Variants in CFAP90 observed in about 807,000 individuals in gnomAD.
CFAP90 encodes cilia and flagella associated protein 90, also known as cilia- and flagella-associated protein 90.
chr5:7,845,693 G>A, the CFAP90 span, among the ~76,000 whole-genome samples: 2 of 152,146 alleles, frequency 1.3e-5, no homozygotes, highest in African/African-American at 2.4e-5. Flanking sequence ...ACCGTTGAAC[G>A]GAATCTGCTT....
the CFAP90 span, among the ~76,000 whole-genome samples, chr5:7,837,461 G>T: frequency 6.6e-6 from 1 of 152,160 alleles, no homozygotes; most frequent in African/African-American, 2.4e-5. Flanking sequence ...ATGCTAGAAT[G>T]ATTCCCTCCA....
At chr5:7,850,282 G>A in the CFAP90 span, among the ~76,000 whole-genome samples, 2 of 151,198 alleles carry the variant, frequency 1.3e-5, no homozygotes, top group Non-Finnish European at 3.0e-5. Flanking sequence ...ATCTCCGCAC[G>A]CTCCCACCCG....
chr5:7,836,418 C>T, the CFAP90 span, among the ~76,000 whole-genome samples: 1 of 152,090 alleles, frequency 6.6e-6, no homozygotes, highest in Non-Finnish European at 1.5e-5. Context: ...GCCTGAAAAT[C>T]AACTGACAGA....
At chr5:7,846,877 G>C in the CFAP90 span, among the ~76,000 whole-genome samples, 1 of 152,136 alleles carries the variant, frequency 6.6e-6, no homozygotes, top group African/African-American at 2.4e-5. Flanking sequence ...CTCCCGAGTA[G>C]CTGAGACTAG....
chr5:7,836,632 A>G, the CFAP90 span, among the ~76,000 whole-genome samples: 1 of 152,156 alleles, frequency 6.6e-6, no homozygotes. Flanking sequence ...AGAAGATACA[A>G]TGGTCTGGGA....
At chr5:7,834,674 AC>A in the CFAP90 span, among the ~76,000 whole-genome samples, 1 of 152,144 alleles carries the variant, frequency 6.6e-6, no homozygotes, top group Admixed American at 6.5e-5. Context: ...TATCTTTTAT[AC>A]TATATTTTTA....
chr5:7,831,645 GTGT>G, the CFAP90 span: 2 of 525,016 alleles, frequency 3.8e-6, no homozygotes, highest in South Asian at 3.0e-5. Flanking sequence ...TGTACTAAAG[GTGT>G]TGTTGGTCAG....
At chr5:7,850,169 A>C in the CFAP90 span, among the ~76,000 whole-genome samples, 9 of 152,090 alleles carry the variant, frequency 5.9e-5, no homozygotes, top group African/African-American at 2.2e-4. Context: ...CCAGGGGTTC[A>C]GCTGACACTG....
At chr5:7,833,896 T>C in the CFAP90 span, among the ~76,000 whole-genome samples, 3 of 152,322 alleles carry the variant, frequency 2.0e-5, no homozygotes, top group African/African-American at 7.2e-5. Flanking sequence ...CTAATGTGTT[T>C]GGGTGATGTT....
At chr5:7,833,835 C>A in the CFAP90 span, among the ~76,000 whole-genome samples, 1 of 152,134 alleles carries the variant, frequency 6.6e-6, no homozygotes, top group African/African-American at 2.4e-5. Flanking sequence ...TGAAAAATTC[C>A]TATCACCTAA....
At chr5:7,831,347 A>G in the CFAP90 span, 8,561 of 153,136 alleles carry the variant, frequency 0.056, 609 homozygotes, top group African/African-American at 0.16. Flanking sequence ...CCAAAAGACA[A>G]TTGTCATCAC....
the CFAP90 span, among the ~76,000 whole-genome samples, chr5:7,846,783 G>A: frequency 2.7e-4 from 41 of 152,226 alleles, no homozygotes; most frequent in African/African-American, 8.7e-4. Context: ...GTCTCACTCT[G>A]TCACCCAGAG....
the CFAP90 span, among the ~76,000 whole-genome samples, chr5:7,842,725 T>C: frequency 6.6e-6 from 1 of 152,172 alleles, no homozygotes; most frequent in Non-Finnish European, 1.5e-5. Context: ...AATAAGCCTC[T>C]ATGATGTCAT....
chr5:7,850,600 C>T, the CFAP90 span, among the ~76,000 whole-genome samples: 6 of 146,450 alleles, frequency 4.1e-5, no homozygotes, highest in Non-Finnish European at 6.1e-5. Context: ...ACCCCGCCCC[C>T]AGGCCCCCTC....
At chr5:7,844,805 T>G in the CFAP90 span, among the ~76,000 whole-genome samples, 1 of 152,032 alleles carries the variant, frequency 6.6e-6, no homozygotes, top group Non-Finnish European at 1.5e-5. Flanking sequence ...TGAGTGTGTG[T>G]GGTAAAGGTG....
chr5:7,850,934 A>G, the CFAP90 span: 2 of 1,353,396 alleles, frequency 1.5e-6, no homozygotes, highest in South Asian at 4.9e-5. Flanking sequence ...GGCGGGATGT[A>G]GCTGAAGGCG....
the CFAP90 span, chr5:7,831,338 CA>C: frequency 6.5e-6 from 1 of 152,986 alleles, no homozygotes; most frequent in African/African-American, 2.4e-5. Context: ...TCAATTGTGC[CA>C]AAAGACAATT....
the CFAP90 span, chr5:7,831,809 C>A: frequency 5.7e-6 from 9 of 1,575,006 alleles, no homozygotes; most frequent in Non-Finnish European, 7.8e-6. Flanking sequence ...ACTTGCCAGG[C>A]CACAGGGTAT....
At chr5:7,832,108 G>A in the CFAP90 span, 1 of 1,447,950 alleles carries the variant, frequency 6.9e-7, no homozygotes, top group African/African-American at 1.4e-5. Context: ...ATCAGCCTGG[G>A]TCCTGGGAGC....
Sources: allele counts gnomAD v4.1 joint callset (sites outside exome capture counted in the v4.1 genomes callset), GRCh38; gene constraint gnomAD v4.1.1; transcripts MANE v1.5; gene names NCBI Gene and HGNC (gene_info 2026-07-23, HGNC 2026-07-21).